Variants in LRCH3 observed in about 807,000 individuals in gnomAD.
The protein encoded by LRCH3 is DISP complex protein LRCH3.
In LRCH3, 68 loss-of-function variants were observed where a neutral mutation model predicts 104.5. The observed-to-expected ratio is 0.65, with a 90% confidence interval of 0.54 to 0.80. LRCH3 has a LOEUF of 0.80. Ranked by LOEUF, LRCH3 falls within the 30% of genes least tolerant of loss-of-function variation. The probability of loss-of-function intolerance (pLI) is 0.00; values close to 1 mark genes in which losing one functional copy is unlikely to be tolerated. For synonymous variants in LRCH3, 344 were observed against 361.3 expected, an observed-to-expected ratio of 0.95 and a Z score of 0.54; for missense variants, 951 against 953.9, an observed-to-expected ratio of 1.00 and a Z score of 0.04.
At chr3:197,807,281 A>G (rs1437327423) in intron 1 of LRCH3, among the ~76,000 whole-genome samples, 1 of 148,176 alleles carries the variant, frequency 6.7e-6, no homozygotes, top group Non-Finnish European at 1.5e-5. Flanking sequence ...CAGTGGCGCG[A>G]TCTCGGGTCA....
At chr3:197,878,649 G>T (rs1713189141) in intron 20 of LRCH3, among the ~76,000 whole-genome samples, 1 of 152,056 alleles carries the variant, frequency 6.6e-6, no homozygotes, top group African/African-American at 2.4e-5. Flanking sequence ...CGGCTTCCTA[G>T]CAAGCTGCTA....
rs544379003 is a variant in LRCH3 at position 197,854,147 on chromosome 3, A to G, written c.1591-245A>G. Among the ~76,000 whole-genome samples, 2 of 152,184 alleles carry G rather than the reference A, an allele frequency of 1.3e-5. No individual in the cohort carries two copies. Among genetic ancestry groups the G allele is most frequent in the South Asian group, 4.1e-4 (2 of 4,826 alleles). ...GCTTTCTGTTCCCTCCTTGCTTTGT[A>G]AGGTTTTAGGCAATAAGATCGTATT... On this transcript the variant is annotated intron_variant, in intron 13 of 20. Transcript: ENST00000425562. The surrounding 1 kb of genome is among the most constrained non-coding windows in gnomAD (Gnocchi z 4.5).
intron 17 of LRCH3, 28 bp downstream of exon 17, chr3:197,866,247 G>T: frequency 6.5e-7 from 1 of 1,541,952 alleles, no homozygotes; most frequent in South Asian, 1.1e-5. Flanking sequence ...TAAAAGCCAG[G>T]AGCGAGGGGA....
At chr3:197,803,513 A>G (rs547838032) in intron 1 of LRCH3, among the ~76,000 whole-genome samples, 2 of 152,262 alleles carry the variant, frequency 1.3e-5, no homozygotes, top group South Asian at 2.1e-4. Flanking sequence ...AGAATTTGCT[A>G]CTTTAGCCAG....
intron 1 of LRCH3, among the ~76,000 whole-genome samples, chr3:197,792,260 C>T (rs1730614278): frequency 6.6e-6 from 1 of 151,796 alleles, no homozygotes; most frequent in Non-Finnish European, 1.5e-5. Context: ...TTCCACTCCT[C>T]ATGTCCTCCA....
At chr3:197,800,200 C>CA (rs1374120859) in intron 1 of LRCH3, among the ~76,000 whole-genome samples, 1,728 of 140,682 alleles carry the variant, frequency 0.012, 17 homozygotes, top group African/African-American at 0.039. Flanking sequence ...GAGACTGTCT[C>CA]AAAAAAAAAA....
intron 10 of LRCH3, among the ~76,000 whole-genome samples, chr3:197,839,987 T>C (rs1476764026): frequency 4.8e-5 from 7 of 146,428 alleles, no homozygotes; most frequent in Non-Finnish European, 9.0e-5. Context: ...AAAAAAAAAA[T>C]ACAAAATACA....
chr3:197,826,445 G>A (rs1004752843), intron 4 of LRCH3, among the ~76,000 whole-genome samples: 15 of 152,102 alleles, frequency 9.9e-5, no homozygotes, highest in African/African-American at 2.9e-4. Context: ...CCTTAGTTCC[G>A]AGCATTTTTG....
chr3:197,857,061 C>T (rs73892126), intron 14 of LRCH3, among the ~76,000 whole-genome samples: 4,887 of 151,856 alleles, frequency 0.032, 261 homozygotes, highest in African/African-American at 0.11. Context: ...ACATTCTCTT[C>T]GGGCTACCCC....
At chr3:197,860,361 T>C (rs1036243898) in intron 15 of LRCH3, among the ~76,000 whole-genome samples, 20 of 152,178 alleles carry the variant, frequency 1.3e-4, no homozygotes, top group African/African-American at 4.8e-4. Context: ...GAATATTTAA[T>C]TTTGCTGTTT....
At position 197,864,349 on chromosome 3, in the gene LRCH3, T is replaced by C. The variant is rs921102352; in HGVS notation, c.1717-1074T>C. On this transcript the variant is annotated intron_variant, in intron 15 of 20. Coordinates refer to ENST00000425562, the MANE Select transcript of LRCH3 (RefSeq NM_001365715.1). Reference sequence around the variant, plus strand: ...ACAGCTGGGCGTGGTGGCTCATGCCTGTAATCCCAGCACTTTGGGAGGCCG... The same window carrying C: ...ACAGCTGGGCGTGGTGGCTCATGCCCGTAATCCCAGCACTTTGGGAGGCCG... Among the ~76,000 whole-genome samples the C allele has an allele frequency of 2.0e-4, 30 of 150,076 alleles. 3 individuals carry two copies. Among genetic ancestry groups the C allele is most frequent in the African/African-American group, 6.3e-4 (25 of 39,758 alleles).
chr3:197,873,652 G>T (rs1022097465), intron 19 of LRCH3, among the ~76,000 whole-genome samples: 2 of 152,134 alleles, frequency 1.3e-5, no homozygotes, highest in African/African-American at 4.8e-5. Flanking sequence ...TTGGGCCCAG[G>T]AGTTTGAGGC....
In LRCH3 at chr3:197,835,806, G is replaced by A. The variant is rs752071698; in HGVS notation, c.1235G>A (p.Arg412Gln). The A allele has an allele frequency of 1.7e-5, 28 of 1,613,940 alleles. No individual in the cohort carries two copies. The highest frequency in any genetic ancestry group is 3.3e-5 in the South Asian group (3 of 91,078). ...CAGTTTATGGCGTATATTGAACAGC[G>A]GCGAATCTCTCATGAGGTAGTACAC... ...SSQFMAYIEQRRISHEGSPVK... is the reference protein window; with the variant it reads ...SSQFMAYIEQQRISHEGSPVK... Residue 412 changes from arginine to glutamine, a missense_variant, in exon 9 of 21, where the codon CGG becomes CAG. By Grantham distance (43) the Arg-to-Gln change is conservative. Transcript: ENST00000425562.
chr3:197,827,802 G>C (rs1273021390), intron 5 of LRCH3, among the ~76,000 whole-genome samples: 1 of 151,804 alleles, frequency 6.6e-6, no homozygotes, highest in African/African-American at 2.4e-5. Context: ...AGACAGGCCA[G>C]GTGTGGTGGC....
intron 1 of LRCH3, among the ~76,000 whole-genome samples, chr3:197,812,509 T>TTTTTTTTTTTTG: frequency 8.0e-6 from 1 of 124,494 alleles, no homozygotes; most frequent in Non-Finnish European, 1.7e-5. Context: ...TTTCAGTTTT[T>TTTTTTTTTTTTG]TTTTTTTTTT....
intron 15 of LRCH3, among the ~76,000 whole-genome samples, chr3:197,862,542 T>G (rs756549641): frequency 8.6e-5 from 13 of 151,432 alleles, no homozygotes; most frequent in Non-Finnish European, 1.8e-4. Flanking sequence ...TGAAAATATT[T>G]TTTCCTCCAT....
Position 197,884,449 on chromosome 3 carries a change from GC to G in LRCH3, c.*786del, listed in dbSNP as rs1336825857. The G allele has an allele frequency of 2.0e-5, 3 of 152,808 alleles. No individual in the cohort carries two copies. Among genetic ancestry groups the G allele is most frequent in the African/African-American group, 7.2e-5 (3 of 41,564 alleles). The allele number at this position is 152,808 out of a possible 1,614,324, so 9.5% of individuals were successfully genotyped here. A position where few individuals can be genotyped will look rare whatever the true frequency, so the allele number is the denominator to read the frequency against. ...TGGGATTACAGGCGTGAGCCACTGT[GC>G]CCGGCCTCCCAGAGTGCTGGGATGA... On this transcript the variant is annotated 3_prime_UTR_variant, in exon 21 of 21. Coordinates refer to ENST00000425562, the MANE Select transcript of LRCH3 (RefSeq NM_001365715.1).
intron 20 of LRCH3, among the ~76,000 whole-genome samples, chr3:197,878,204 T>C (rs923720209): frequency 2.6e-5 from 4 of 152,174 alleles, no homozygotes; most frequent in African/African-American, 9.7e-5. Context: ...TTACCAGATG[T>C]CAAAACCTGT....
At chr3:197,811,629 A>G (rs750425903) in intron 1 of LRCH3, among the ~76,000 whole-genome samples, 1 of 152,194 alleles carries the variant, frequency 6.6e-6, no homozygotes, top group Non-Finnish European at 1.5e-5. Context: ...GAAAACATTA[A>G]TTTGTGTTTG....
Sources: allele counts gnomAD v4.1 joint callset (sites outside exome capture counted in the v4.1 genomes callset), GRCh38; gene constraint gnomAD v4.1.1; non-coding constraint Gnocchi (gnomAD v3.1); transcripts MANE v1.5; gene names NCBI Gene and HGNC (gene_info 2026-07-23, HGNC 2026-07-21).